CTR9: variants seen among roughly 807,000 people sequenced by gnomAD.
The protein encoded by CTR9 is RNA polymerase-associated protein CTR9 homolog.
Under a neutral mutation model 152.1 loss-of-function variants are expected in CTR9, and 41 were observed. The ratio of observed to expected loss-of-function variants is 0.27; its 90% CI spans 0.21 to 0.35. The LOEUF (loss-of-function observed/expected upper bound fraction) is 0.35, where lower values mean the gene tolerates loss of function less well. CTR9 is among the 10% of genes least tolerant of loss of function. CTR9 has a pLI of 1.00. For missense variants in CTR9, 917 were observed against 1,424.4 expected (o/e 0.64, Z 5.73); for synonymous variants, 476 against 496.2 (o/e 0.96, Z 0.54).
rs1458841470 is a variant in CTR9, at chr11:10,751,928, A to G, written c.45+471A>G. ...TCTGTCATGGTGCGCTGTGTTCTCT[A>G]CACCAACTCTCCTTCAACGAGATAT... On this transcript the variant is annotated intron_variant, in intron 1 of 24. Transcript: ENST00000361367. 2.6e-5 allele frequency among the ~76,000 whole-genome samples: 4 copies of G among 151,960 alleles called. No homozygotes were observed. The East Asian group carries it at 5.8e-4, about 22-fold the overall frequency.
At chr11:10,754,856 C>T in intron 2 of CTR9, 102 bp from the exon 3 acceptor site, 1 of 1,216,200 alleles carries the variant, frequency 8.2e-7, no homozygotes, top group Non-Finnish European at 1.1e-6. Context: ...TGATTGTTTC[C>T]AGTTTTTTGT....
Position 10,751,358 on chromosome 11 carries a change from G to T in CTR9, c.-55G>T. The stretch of plus-strand genomic sequence containing the variant: ...CACCTCTGGATTAGCCTGAAGCGGA[G>T]ACTACCGGCTGCGGAGCGGCGGGGC... On this transcript the variant is annotated 5_prime_UTR_variant, in exon 1 of 25. Coordinates refer to ENST00000361367, the MANE Select transcript of CTR9 (RefSeq NM_014633.5). 6.3e-7 allele frequency: 1 copy of T among 1,590,958 alleles called. No homozygotes were observed. Among genetic ancestry groups the T allele is most frequent in the South Asian group, 1.1e-5 (1 of 90,514 alleles).
At position 10,764,781 on chromosome 11, in the gene CTR9, G is replaced by A. The variant is rs780137082; in HGVS notation, c.1597+50G>A. 6.2e-6 allele frequency: 9 copies of A among 1,460,142 alleles called. No homozygotes were observed. In the Admixed American group the frequency reaches 1.1e-4, roughly 18 times the overall value. The allele number at this position is 1,460,142 out of a possible 1,614,324, so 90.4% of individuals were successfully genotyped here. A position where few individuals can be genotyped will look rare whatever the true frequency, so the allele number is the denominator to read the frequency against. ...TAATGAAATCCGTTCATTCCCACAA[G>A]AGCAGCAAAAATTTAGCCTGAAAAA... On this transcript the variant is annotated intron_variant, in intron 12 of 24. Coordinates refer to ENST00000361367, the MANE Select transcript of CTR9 (RefSeq NM_014633.5).
intron 2 of CTR9, 84 bp downstream of exon 2, chr11:10,752,854 TTGGCTGCA>T: frequency 1.9e-6 from 2 of 1,064,018 alleles, no homozygotes; most frequent in Non-Finnish European, 1.4e-6. Flanking sequence ...AATAGCCAGC[TTGGCTGCA>T]TGGTAGATTA....
At chr11:10,754,527 T>C (rs929606897) in intron 2 of CTR9, among the ~76,000 whole-genome samples, 1 of 152,210 alleles carries the variant, frequency 6.6e-6, no homozygotes, top group African/African-American at 2.4e-5. Context: ...GATTAATGAA[T>C]ACATTCATCA....
chr11:10,755,857 C>G (rs1862876352), intron 4 of CTR9, 62 bp downstream of exon 4: 1 of 948,700 alleles, frequency 1.1e-6, no homozygotes. Flanking sequence ...TAGAATATAT[C>G]TCTTGGTAAT....
intron 3 of CTR9, 129 bp downstream of exon 3, chr11:10,755,326 G>C (rs1204202384): frequency 9.0e-7 from 1 of 1,110,346 alleles, no homozygotes; most frequent in Non-Finnish European, 1.3e-6. Context: ...TCAAAAAGAA[G>C]AAAGGTTCCT....
At chr11:10,763,603 C>T (rs1564967872) in intron 8 of CTR9, 40 bp from the exon 9 acceptor site, 1 of 1,565,044 alleles carries the variant, frequency 6.4e-7, no homozygotes, top group Non-Finnish European at 8.7e-7. Context: ...CTTTCCAATA[C>T]TTTTGTACAT....
intron 21 of CTR9, 133 bp downstream of exon 21, chr11:10,773,406 A>G: frequency 9.7e-7 from 1 of 1,033,816 alleles, no homozygotes; most frequent in Non-Finnish European, 1.4e-6. Flanking sequence ...ACAGTCTTCT[A>G]ACACAGAGAA....
At chr11:10,755,908 T>C (rs1862876930) in intron 4 of CTR9, 113 bp downstream of exon 4, 2 of 591,150 alleles carry the variant, frequency 3.4e-6, no homozygotes, top group South Asian at 4.9e-5. Context: ...GTAGAAGAGC[T>C]TTATGTTGTT....
chr11:10,772,909 C>A (rs1361987858), intron 20 of CTR9, among the ~76,000 whole-genome samples: 5 of 151,984 alleles, frequency 3.3e-5, no homozygotes, highest in African/African-American at 1.2e-4. Context: ...CACCTGTAAT[C>A]CCAGCTACTC....
At chr11:10,769,875 A>G (rs1205157785) in intron 16 of CTR9, among the ~76,000 whole-genome samples, 1 of 152,222 alleles carries the variant, frequency 6.6e-6, no homozygotes, top group Non-Finnish European at 1.5e-5. Flanking sequence ...ATGACTTCTC[A>G]TCAGTGGTCA....
intron 6 of CTR9, among the ~76,000 whole-genome samples, chr11:10,761,169 G>A (rs965405972): frequency 1.3e-5 from 2 of 152,132 alleles, no homozygotes; most frequent in African/African-American, 2.4e-5. Context: ...ACTAAATGCC[G>A]ATAGCGTTCC....
intron 6 of CTR9, among the ~76,000 whole-genome samples, chr11:10,761,374 T>TGA (rs377279045): frequency 1 from 152,064 of 152,234 alleles, 75,947 homozygotes; most frequent in Middle Eastern, 1. Flanking sequence ...GTTAGCAGGA[T>TGA]GTTACCAACC....
chr11:10,772,285 C>T (rs563953759), intron 19 of CTR9, among the ~76,000 whole-genome samples: 15 of 151,950 alleles, frequency 9.9e-5, no homozygotes, highest in Middle Eastern at 3.4e-3. Flanking sequence ...AACCCGGAGG[C>T]GGAGGTTGCG....
chr11:10,760,959 G>T (rs888336448), intron 6 of CTR9, among the ~76,000 whole-genome samples: 3 of 152,134 alleles, frequency 2.0e-5, no homozygotes, highest in African/African-American at 7.2e-5. Flanking sequence ...GGATAAAAAG[G>T]CTTTCTCTTA....
At chr11:10,759,280 A>G (rs1315349270) in intron 5 of CTR9, among the ~76,000 whole-genome samples, 1 of 152,226 alleles carries the variant, frequency 6.6e-6, no homozygotes, top group East Asian at 1.9e-4. Flanking sequence ...TTGTCTTTAA[A>G]GGCAAATGTA....
intron 20 of CTR9, 92 bp from the exon 21 acceptor site, chr11:10,773,031 GAAAA>G (rs879031468): frequency 6.2e-6 from 7 of 1,130,056 alleles, no homozygotes; most frequent in Middle Eastern, 3.3e-4. Context: ...CATCTCAAAA[GAAAA>G]AAAAAAATCC....
At chr11:10,766,289 G>A (rs1863058434) in intron 12 of CTR9, 113 bp from the exon 13 acceptor site, 1 of 754,228 alleles carries the variant, frequency 1.3e-6, no homozygotes, top group East Asian at 2.7e-5. Flanking sequence ...GGACTTTTCT[G>A]TTCCTTTTAT....
Sources: gnomAD v4.1 joint callset for allele counts (sites outside exome capture counted in the v4.1 genomes callset) on GRCh38, gnomAD v4.1.1 for gene constraint, MANE v1.5 for transcripts, NCBI Gene and HGNC (gene_info 2026-07-23, HGNC 2026-07-21) for gene names.